Variants in UMOD observed in about 807,000 individuals in gnomAD.
UMOD encodes Tamm-Horsfall urinary glycoprotein.
A neutral mutation model predicts 66.0 loss-of-function variants in UMOD; 64 were observed. That is an observed-to-expected ratio of 0.97 (90% CI 0.79 to 1.19). The LOEUF (loss-of-function observed/expected upper bound fraction) is 1.19, where lower values mean the gene tolerates loss of function less well. Ranked by LOEUF, UMOD falls within the 50% of genes most tolerant of loss-of-function variation. UMOD has a pLI of 0.00. For synonymous variants in UMOD, 398 were observed against 352.7 expected, an observed-to-expected ratio of 1.13 and a Z score of -1.44; for missense variants, 764 against 850.9, an observed-to-expected ratio of 0.90 and a Z score of 1.27.
intron 8 of UMOD, 139 bp downstream of exon 8, chr16:20,337,152 A>G (rs1284730853): frequency 8.4e-7 from 1 of 1,195,108 alleles, no homozygotes; most frequent in East Asian, 2.6e-5. Flanking sequence ...TTTCCTGCCT[A>G]GCCACGCCCA....
In UMOD at chr16:20,348,363, T is replaced by TA. The variant is rs1965701838; in HGVS notation, c.866-34dup. ...GTCACAGGGACAGACAGACAATCAA[T>TA]AAGGACGCACCCCCGTCCTCTGCAG... On this transcript the variant is annotated intron_variant, in intron 3 of 10. Transcript: ENST00000396138. 1.9e-6 allele frequency: 3 copies of TA among 1,613,916 alleles called. No homozygotes were observed. In the South Asian group the frequency reaches 3.3e-5, roughly 18 times the overall value.
At position 20,333,221 on chromosome 16, in the gene UMOD, C is replaced by T. The variant is rs757722411; in HGVS notation, c.*93G>A. 1 of 1,334,396 alleles carries T rather than the reference C, an allele frequency of 7.5e-7. No homozygotes were observed. Among genetic ancestry groups the T allele is most frequent in the South Asian group, 1.2e-5 (1 of 80,714 alleles). 82.7% of individuals were successfully genotyped at this position (1,334,396 alleles called of 1,614,324 possible). A position where few individuals can be genotyped will look rare whatever the true frequency, so the allele number is the denominator to read the frequency against. On this transcript the variant is annotated 3_prime_UTR_variant, in exon 11 of 11. Coordinates refer to ENST00000396138, the MANE Select transcript of UMOD (RefSeq NM_003361.4). ...GCAGGCTGAACAAAGCATGAACTTT[C>T]TTTTCTGTGGCTGGAGCACTGGCCC...
At chr16:20,352,308 G>A (rs548485114) in intron 1 of UMOD, among the ~76,000 whole-genome samples, 262 of 152,110 alleles carry the variant, frequency 1.7e-3, no homozygotes, top group African/African-American at 6.0e-3. Flanking sequence ...ACCCACAAAA[G>A]GAATGATTTT....
At chr16:20,336,532 G>T in intron 9 of UMOD, 114 bp downstream of exon 9, 1 of 970,624 alleles carries the variant, frequency 1.0e-6, no homozygotes, top group Non-Finnish European at 1.6e-6. Flanking sequence ...GGATCCACTT[G>T]CTCCCAGTTC....
intron 5 of UMOD, among the ~76,000 whole-genome samples, chr16:20,345,330 TTTTCTTTC>T (rs10656659): frequency 4.0e-5 from 6 of 150,786 alleles, no homozygotes; most frequent in Non-Finnish European, 7.4e-5. Context: ...AAATCTTTCT[TTTTCTTTC>T]TTTCTTTCTT....
intron 5 of UMOD, 134 bp from the exon 6 acceptor site, chr16:20,344,306 TA>T: frequency 2.2e-6 from 2 of 918,260 alleles, no homozygotes; most frequent in Middle Eastern, 3.1e-4. Flanking sequence ...GTCTCCTTGA[TA>T]AAAAGCTGCC....
At chr16:20,345,143 A>G (rs538780299) in intron 5 of UMOD, among the ~76,000 whole-genome samples, 4 of 152,188 alleles carry the variant, frequency 2.6e-5, no homozygotes, top group South Asian at 2.1e-4. Flanking sequence ...CCTCCCGAGT[A>G]GCTGGGATTA....
rs926515041 is a variant in UMOD at position 20,348,817 on chromosome 16, C to T, written c.484G>A (p.Val162Met). ...CACACGAGCGCGTCGCCCTCGGGCACGCAGTCCAACCCCGGCCCGCAGGAG... is the reference window on the plus strand; with the variant it reads ...CACACGAGCGCGTCGCCCTCGGGCATGCAGTCCAACCCCGGCCCGCAGGAG... ...PGSCGPGLDC[V>M]PEGDALVCAD... Residue 162 changes from valine (V) to methionine (M), a missense_variant, in exon 3 of 11, where the codon GTG becomes ATG. Val to Met is a conservative substitution (Grantham distance 21, BLOSUM62 1). Coordinates refer to ENST00000396138, the MANE Select transcript of UMOD (RefSeq NM_003361.4). 1.3e-6 allele frequency: 2 copies of T among 1,545,940 alleles called. No individual in the cohort carries two copies. Among genetic ancestry groups the T allele is most frequent in the Non-Finnish European group, 1.7e-6 (2 of 1,146,616 alleles).
intron 8 of UMOD, 61 bp downstream of exon 8, chr16:20,337,230 T>C: frequency 6.3e-7 from 1 of 1,597,550 alleles, no homozygotes; most frequent in Non-Finnish European, 8.6e-7. Flanking sequence ...TTGATTTGTT[T>C]TCTTTGTGGC....
intron 7 of UMOD, 107 bp downstream of exon 7, chr16:20,340,984 A>T: frequency 2.4e-6 from 3 of 1,275,272 alleles, no homozygotes; most frequent in Non-Finnish European, 3.3e-6. Flanking sequence ...ACAGAGCAAG[A>T]CTCTGTCAAA....
At position 20,337,383 on chromosome 16, in the gene UMOD, C is replaced by A. The variant is rs188709583; in HGVS notation, c.1648G>T (p.Val550Phe). 6 of 1,614,006 alleles carry A rather than the reference C, an allele frequency of 3.7e-6. No homozygotes were observed. The highest frequency in any genetic ancestry group is 1.3e-5 in the African/African-American group (1 of 74,892). Residue 550 changes from valine to phenylalanine, a missense_variant, in exon 8 of 11, where the codon GTC (valine) becomes TTC (phenylalanine). Physicochemically the swap from Val to Phe is conservative, Grantham distance 50. Coordinates refer to ENST00000396138, the MANE Select transcript of UMOD (RefSeq NM_003361.4). ...NGESSQGRFS[V>F]QMFRFAGNYD... Reference sequence around the variant, plus strand: ...TTTCCAGCAAACCGGAACATCTGGACGGAAAATCGGCCCTGGGAGGACTCC... The same window carrying A: ...TTTCCAGCAAACCGGAACATCTGGAAGGAAAATCGGCCCTGGGAGGACTCC...
intron 1 of UMOD, chr16:20,351,490 G>A (rs1297554660): frequency 6.4e-6 from 1 of 155,844 alleles, no homozygotes; most frequent in Non-Finnish European, 1.4e-5. Flanking sequence ...TAAGTATGTA[G>A]GAGCTGCAGC....
At chr16:20,339,843 G>A (rs993629432) in intron 7 of UMOD, among the ~76,000 whole-genome samples, 4 of 152,154 alleles carry the variant, frequency 2.6e-5, no homozygotes, top group African/African-American at 7.2e-5. Context: ...CACAGAGCCC[G>A]ACACACAGCA....
intron 1 of UMOD, 31 bp from the exon 2 acceptor site, chr16:20,350,870 T>C: frequency 2.0e-6 from 3 of 1,535,390 alleles, no homozygotes; most frequent in South Asian, 1.2e-5. Context: ...GACAAATGCA[T>C]GATCTAACTC....
At chr16:20,336,816 T>C in intron 8 of UMOD, 89 bp from the exon 9 acceptor site, 1 of 1,156,162 alleles carries the variant, frequency 8.6e-7, no homozygotes, top group South Asian at 1.3e-5. Context: ...ACCTCACAGG[T>C]GCCTTCCCTT....
chr16:20,354,519 CATTT>C (rs1363400290), upstream of UMOD, among the ~76,000 whole-genome samples: 3 of 152,074 alleles, frequency 2.0e-5, no homozygotes, highest in Non-Finnish European at 4.4e-5. Flanking sequence ...GTTATCTCTT[CATTT>C]ATTTACTTTT....
intron 6 of UMOD, among the ~76,000 whole-genome samples, chr16:20,342,985 C>T (rs1472866854): frequency 6.6e-6 from 1 of 152,022 alleles, no homozygotes; most frequent in East Asian, 1.9e-4. Flanking sequence ...CAAAACTTAG[C>T]TGGGTGTGGT....
chr16:20,349,374 T>A (rs1359962952), intron 2 of UMOD, among the ~76,000 whole-genome samples, 162 bp from the exon 3 acceptor site: 2 of 152,248 alleles, frequency 1.3e-5, no homozygotes, highest in South Asian at 2.1e-4. Flanking sequence ...ACTCCTCTGA[T>A]GATGTCAAGC....
intron 5 of UMOD, among the ~76,000 whole-genome samples, 160 bp from the exon 6 acceptor site, chr16:20,344,332 T>G (rs1472511368): frequency 6.6e-6 from 1 of 152,020 alleles, no homozygotes; most frequent in Non-Finnish European, 1.5e-5. Context: ...GCCGGGCGCA[T>G]TAGCTCACGC....
Sources: gnomAD v4.1 joint callset for allele counts (sites outside exome capture counted in the v4.1 genomes callset) on GRCh38, gnomAD v4.1.1 for gene constraint, MANE v1.5 for transcripts, NCBI Gene and HGNC (gene_info 2026-07-23, HGNC 2026-07-21) for gene names.